RANBP2: variants seen among roughly 807,000 people sequenced by gnomAD.
RANBP2 encodes E3 SUMO-protein ligase RanBP2.
Under a neutral mutation model 303.6 loss-of-function variants are expected in RANBP2, and 57 were observed. The ratio of observed to expected loss-of-function variants is 0.19; its 90% CI spans 0.15 to 0.23. RANBP2 has a LOEUF of 0.23. Ranked by LOEUF, RANBP2 falls within the 10% of genes least tolerant of loss-of-function variation. The pLI, the probability that RANBP2 is intolerant of heterozygous loss-of-function variation, is 1.00. For synonymous variants in RANBP2, 1,167 were observed against 1,301.5 expected, an observed-to-expected ratio of 0.90 and a Z score of 2.23; for missense variants, 3,138 against 3,780.8, an observed-to-expected ratio of 0.83 and a Z score of 4.46.
the RANBP2 span, among the ~76,000 whole-genome samples, chr2:109,104,658 A>G: frequency 6.6e-6 from 1 of 151,904 alleles, no homozygotes; most frequent in Non-Finnish European, 1.5e-5. Flanking sequence ...TAATTTTTGT[A>G]TTTTTAGTAG....
At chr2:108,972,166 T>C in the RANBP2 span, among the ~76,000 whole-genome samples, 1 of 152,252 alleles carries the variant, frequency 6.6e-6, no homozygotes, top group African/African-American at 2.4e-5. Flanking sequence ...TCACATTTGT[T>C]GTTTTAAGCA....
At chr2:109,173,365 G>C in the RANBP2 span, among the ~76,000 whole-genome samples, 2 of 152,158 alleles carry the variant, frequency 1.3e-5, no homozygotes, top group African/African-American at 2.4e-5. Flanking sequence ...GTCCCTGCCT[G>C]GGTTGTCTAT....
chr2:108,970,527 GGT>G, the RANBP2 span, among the ~76,000 whole-genome samples: 96 of 152,198 alleles, frequency 6.3e-4, no homozygotes, highest in Non-Finnish European at 1.2e-3. Context: ...GCCTCTGGAC[GGT>G]GCCCAGGGAG....
the RANBP2 span, among the ~76,000 whole-genome samples, chr2:109,049,215 C>T: frequency 6.6e-6 from 1 of 152,176 alleles, no homozygotes; most frequent in Admixed American, 6.5e-5. Flanking sequence ...ACTTCATCCT[C>T]CGCTGGGTCC....
the RANBP2 span, among the ~76,000 whole-genome samples, chr2:109,472,234 T>C: frequency 6.6e-6 from 1 of 152,054 alleles, no homozygotes; most frequent in Non-Finnish European, 1.5e-5. Flanking sequence ...TCAGGGCACT[T>C]ATTCAGGGAG....
chr2:108,768,533 C>A, intron 20 of RANBP2, 145 bp downstream of exon 20: 1 of 1,468,394 alleles, frequency 6.8e-7, no homozygotes, highest in Non-Finnish European at 9.2e-7. Flanking sequence ...TTTTTTTCTC[C>A]CTTAATAAGT....
chr2:109,692,605 A>G, the RANBP2 span, among the ~76,000 whole-genome samples: 1 of 152,060 alleles, frequency 6.6e-6, no homozygotes. Flanking sequence ...TGTGGGAGAA[A>G]GCGAGGAAGC....
chr2:109,088,990 C>T, the RANBP2 span, among the ~76,000 whole-genome samples: 1 of 152,082 alleles, frequency 6.6e-6, no homozygotes, highest in East Asian at 1.9e-4. Context: ...ATTTAAGAAG[C>T]AGGTCTGCAT....
At chr2:108,988,690 C>G in the RANBP2 span, among the ~76,000 whole-genome samples, 2 of 152,156 alleles carry the variant, frequency 1.3e-5, no homozygotes, top group African/African-American at 4.8e-5. Flanking sequence ...AATCTTAAAG[C>G]CTGTGAAGCA....
the RANBP2 span, among the ~76,000 whole-genome samples, chr2:109,309,310 TAAG>T: frequency 6.7e-6 from 1 of 149,072 alleles, no homozygotes; most frequent in Non-Finnish European, 1.5e-5. Flanking sequence ...CTTATCAGCT[TAAG>T]GAGATTTTGG....
chr2:109,643,227 A>T, the RANBP2 span, among the ~76,000 whole-genome samples: 1 of 152,042 alleles, frequency 6.6e-6, no homozygotes, highest in Non-Finnish European at 1.5e-5. Context: ...CAACTTGGCT[A>T]GAAAAGCATG....
rs1558920394 is a variant in RANBP2 at position 108,764,508 on chromosome 2, A to T, written c.3969A>T (p.Val1323=). Residue 1323 remains valine (V), a synonymous_variant, in exon 20 of 29, where the codon GTA becomes GTT. Coordinates refer to ENST00000283195, the MANE Select transcript of RANBP2 (RefSeq NM_006267.5). ...AMASNQAVRI[V]KEPTSHDNKD... ...CGTCAAATCAGGCTGTCAGAATTGT[A>T]AAAGAACCCACAAGTCATGATAACA... The T allele has an allele frequency of 6.2e-7, 1 of 1,613,910 alleles. No individual in the cohort carries two copies. The highest frequency in any genetic ancestry group is 1.3e-5 in the African/African-American group (1 of 74,900).
At chr2:109,541,929 C>A in the RANBP2 span, among the ~76,000 whole-genome samples, 1 of 152,208 alleles carries the variant, frequency 6.6e-6, no homozygotes, top group African/African-American at 2.4e-5. Context: ...GGGGCTTACA[C>A]TGAGTTCATC....
At chr2:109,379,958 C>T in the RANBP2 span, among the ~76,000 whole-genome samples, 1,057 of 152,302 alleles carry the variant, frequency 6.9e-3, 6 homozygotes, top group African/African-American at 0.023. Context: ...GTGGTCTTGC[C>T]TTCACCAGTA....
the RANBP2 span, chr2:109,501,738 A>C: frequency 1.4e-6 from 1 of 690,630 alleles, no homozygotes; most frequent in East Asian, 2.7e-5. Flanking sequence ...CGGCACACAG[A>C]GAGGGAGCCA....
At chr2:109,241,117 G>GT in the RANBP2 span, among the ~76,000 whole-genome samples, 1 of 152,320 alleles carries the variant, frequency 6.6e-6, no homozygotes, top group African/African-American at 2.4e-5. Flanking sequence ...TCATTGTCTA[G>GT]TAAGTTAATA....
At chr2:109,064,078 T>C in the RANBP2 span, among the ~76,000 whole-genome samples, 1 of 152,194 alleles carries the variant, frequency 6.6e-6, no homozygotes, top group African/African-American at 2.4e-5. Flanking sequence ...CCAAGCACTG[T>C]GTTTATTGTC....
chr2:109,513,042 A>G, the RANBP2 span, among the ~76,000 whole-genome samples: 1 of 152,186 alleles, frequency 6.6e-6, no homozygotes, highest in Non-Finnish European at 1.5e-5. Flanking sequence ...TGAAGGTGCA[A>G]GGCCCGAAGG....
chr2:109,425,688 C>G, the RANBP2 span, among the ~76,000 whole-genome samples: 1 of 122,158 alleles, frequency 8.2e-6, no homozygotes, highest in Admixed American at 8.3e-5. Context: ...TTGTCAAGAC[C>G]TACTGCTCAG....
Sources: gnomAD v4.1 joint callset for allele counts (sites outside exome capture counted in the v4.1 genomes callset) on GRCh38, gnomAD v4.1.1 for gene constraint, MANE v1.5 for transcripts, NCBI Gene and HGNC (gene_info 2026-07-23, HGNC 2026-07-21) for gene names.